The following RSRC1 variants were observed in gnomAD, a reference collection of about 807,000 sequenced individuals.
RSRC1 encodes the protein serine/Arginine-related protein 53.
In RSRC1, 39 loss-of-function variants were observed where a neutral mutation model predicts 49.1. That is an observed-to-expected ratio of 0.79 (90% CI 0.61 to 1.04). The LOEUF is 1.04. Among genes scored for constraint, RSRC1 ranks in the 50% least tolerant of loss-of-function variants. The pLI, the probability that RSRC1 is intolerant of heterozygous loss-of-function variation, is 0.00. For missense variants in RSRC1, 388 were observed against 402.4 expected (o/e 0.96, Z 0.31); for synonymous variants, 143 against 130.8 (o/e 1.09, Z -0.63).
intron 6 of RSRC1, among the ~76,000 whole-genome samples, chr3:158,377,950 C>T (rs935059100): frequency 6.6e-6 from 1 of 152,154 alleles, no homozygotes; most frequent in Non-Finnish European, 1.5e-5. Context: ...CATAAGCCAC[C>T]GCGCCCTGCC....
chr3:158,168,294 T>A (rs1359352278), intron 3 of RSRC1, among the ~76,000 whole-genome samples: 1 of 152,180 alleles, frequency 6.6e-6, no homozygotes, highest in Non-Finnish European at 1.5e-5. Context: ...CTGATCCAGC[T>A]AACCACAAGA....
intron 5 of RSRC1, among the ~76,000 whole-genome samples, chr3:158,320,529 T>A (rs1728700770): frequency 6.6e-6 from 1 of 152,222 alleles, no homozygotes; most frequent in Admixed American, 6.5e-5. Flanking sequence ...AAGTACAACT[T>A]TGGATGCTAG....
intron 3 of RSRC1, among the ~76,000 whole-genome samples, chr3:158,183,714 C>G (rs1299709026): frequency 1.3e-5 from 2 of 151,760 alleles, no homozygotes; most frequent in African/African-American, 4.8e-5. Context: ...ACCAGGAGTT[C>G]AAGACTAACA....
chr3:158,410,142 C>T (rs1734378283), intron 6 of RSRC1, among the ~76,000 whole-genome samples: 1 of 152,026 alleles, frequency 6.6e-6, no homozygotes, highest in Non-Finnish European at 1.5e-5. Context: ...TTTCTTTGTT[C>T]ATTTGTTTAT....
chr3:158,352,022 C>G (rs1466377940), intron 5 of RSRC1, among the ~76,000 whole-genome samples: 1 of 151,118 alleles, frequency 6.6e-6, no homozygotes, highest in African/African-American at 2.4e-5. Flanking sequence ...GTAGTCCTAG[C>G]TCTTTGGGAG....
At chr3:158,493,114 G>A (rs1352994063) in intron 7 of RSRC1, among the ~76,000 whole-genome samples, 2 of 152,146 alleles carry the variant, frequency 1.3e-5, no homozygotes, top group Non-Finnish European at 2.9e-5. Context: ...TAGGGTCACA[G>A]AATTGGAGGA....
intron 3 of RSRC1, among the ~76,000 whole-genome samples, chr3:158,193,831 G>C (rs1720380613): frequency 6.6e-6 from 1 of 152,102 alleles, no homozygotes; most frequent in South Asian, 2.1e-4. Context: ...TTAAGGAATA[G>C]TCAAGGAAGC....
intron 5 of RSRC1, among the ~76,000 whole-genome samples, chr3:158,325,013 G>A (rs1348458311): frequency 6.6e-6 from 1 of 152,140 alleles, no homozygotes; most frequent in Admixed American, 6.5e-5. Flanking sequence ...TGTGTCTGTT[G>A]GCTGCATAAA....
At chr3:158,180,434 G>GTT (rs1719521879) in intron 3 of RSRC1, among the ~76,000 whole-genome samples, 1 of 124,712 alleles carries the variant, frequency 8.0e-6, no homozygotes, top group African/African-American at 3.1e-5. Flanking sequence ...GTGTGTGTGT[G>GTT]TGTGTGTGTG....
intron 7 of RSRC1, among the ~76,000 whole-genome samples, chr3:158,461,817 T>G (rs924657609): frequency 6.6e-6 from 1 of 151,746 alleles, no homozygotes; most frequent in Admixed American, 6.6e-5. Context: ...GACTTTTGAG[T>G]GCTGTAGTCA....
At chr3:158,312,194 C>T (rs1728167934) in intron 5 of RSRC1, among the ~76,000 whole-genome samples, 1 of 150,880 alleles carries the variant, frequency 6.6e-6, no homozygotes, top group Non-Finnish European at 1.5e-5. Context: ...CTCATTCCTA[C>T]TCTGGTGAGA....
intron 7 of RSRC1, among the ~76,000 whole-genome samples, chr3:158,477,798 TTATATATATATATATATA>T (rs67839411): frequency 2.2e-5 from 2 of 89,772 alleles, no homozygotes; most frequent in African/African-American, 9.2e-5. Flanking sequence ...CGGGAGGGAT[TTATATATATATATATATA>T]TATATATATA....
rs563184521 is a variant in RSRC1, at chr3:158,404,159, T to C, written c.583+49251T>C. ...TCAAATTTAGTATTTTTATTGGTAG[T>C]CAGAATTTCATATTTGTTGCTATAA... On this transcript the variant is annotated intron_variant, in intron 6 of 9. Transcript: ENST00000611884. Among the ~76,000 whole-genome samples, 3 of 151,994 alleles carry C rather than the reference T, an allele frequency of 2.0e-5. No individual in the cohort carries two copies. In the South Asian group the frequency reaches 6.2e-4, roughly 32 times the overall value.
intron 4 of RSRC1, among the ~76,000 whole-genome samples, 192 bp downstream of exon 4, chr3:158,203,437 TG>T (rs1252193090): frequency 5.9e-5 from 9 of 152,166 alleles, no homozygotes; most frequent in Admixed American, 5.9e-4. Flanking sequence ...ATTTTTACTG[TG>T]GTACATTTTC....
chr3:158,327,321 G>A (rs958263641), intron 5 of RSRC1, among the ~76,000 whole-genome samples: 4 of 152,124 alleles, frequency 2.6e-5, no homozygotes, highest in Non-Finnish European at 5.9e-5. Context: ...TAATTGTGAT[G>A]TTAGGGTGTC....
In RSRC1 at chr3:158,208,736, G is replaced by A. The variant is rs542338954; in HGVS notation, c.494+5491G>A. Among the ~76,000 whole-genome samples, 21 of 152,244 alleles carry A rather than the reference G, an allele frequency of 1.4e-4. No individual in the cohort carries two copies. In the South Asian group the frequency reaches 2.5e-3, roughly 18 times the overall value. On this transcript the variant is annotated intron_variant, in intron 4 of 9. Transcript: ENST00000611884. ...TTATGAAAACAGATTTTTCTTAATA[G>A]CAGAGTTGTTAAGTTGAAATTGGAT...
intron 6 of RSRC1, among the ~76,000 whole-genome samples, chr3:158,365,073 A>G (rs1397057502): frequency 6.6e-6 from 1 of 152,112 alleles, no homozygotes; most frequent in Non-Finnish European, 1.5e-5. Flanking sequence ...AAGTTGAGCC[A>G]CATGTCCTCC....
chr3:158,424,715 C>G (rs1388772967), intron 6 of RSRC1, among the ~76,000 whole-genome samples: 1 of 151,876 alleles, frequency 6.6e-6, no homozygotes, highest in East Asian at 1.9e-4. Flanking sequence ...GTCCTGGACC[C>G]TTTTTGGTGG....
intron 5 of RSRC1, among the ~76,000 whole-genome samples, chr3:158,306,681 CA>C (rs944577281): frequency 2.6e-5 from 4 of 151,834 alleles, no homozygotes; most frequent in African/African-American, 9.7e-5. Flanking sequence ...GGGCTTGTGA[CA>C]TCTTTAAAAT....
Sources: allele counts gnomAD v4.1 joint callset (sites outside exome capture counted in the v4.1 genomes callset), GRCh38; gene constraint gnomAD v4.1.1; transcripts MANE v1.5; gene names NCBI Gene and HGNC (gene_info 2026-07-23, HGNC 2026-07-21).